CLASRP: variants seen among roughly 807,000 people sequenced by gnomAD.
CLASRP encodes the protein CLK4 associating serine/arginine rich protein, also known as CLK4-associating serine/arginine rich protein.
CLASRP carries 52 observed loss-of-function variants against 99.9 expected under a neutral mutation model. The ratio of observed to expected loss-of-function variants is 0.52; its 90% CI spans 0.42 to 0.66. The LOEUF (loss-of-function observed/expected upper bound fraction) is 0.66, where lower values mean the gene tolerates loss of function less well. CLASRP is among the 30% of genes least tolerant of loss of function. The pLI is 0.00. For synonymous variants in CLASRP, 379 were observed against 373.0 expected (o/e 1.02, Z -0.18); for missense variants, 848 against 999.2 (o/e 0.85, Z 2.04).
At chr19:45,069,314 G>A (rs1028108600) in intron 18 of CLASRP, 66 bp downstream of exon 18, 2 of 1,538,280 alleles carry the variant, frequency 1.3e-6, no homozygotes, top group Non-Finnish European at 9.0e-7. Flanking sequence ...CCCACCATGG[G>A]CTGCTGGCTC....
rs192704583 is a variant in CLASRP, at chr19:45,045,386, G to C, written c.99+5075G>C. 3.7e-3 allele frequency among the ~76,000 whole-genome samples: 567 copies of C among 152,216 alleles called. 2 individuals are homozygous for C. Among genetic ancestry groups the C allele is most frequent in the African/African-American group, 0.013 (538 of 41,526 alleles). On this transcript the variant is annotated intron_variant, in intron 2 of 20. Transcript: ENST00000221455. ...ACAAAAATTAGCCGGGCATGATGGC[G>C]TGCATCTGTGGTCCCAGCTCCTCAA...
rs1339351783 is a variant in CLASRP at position 45,052,867 on chromosome 19, T to C, written c.274T>C (p.Tyr92His). The C allele has an allele frequency of 3.1e-6, 5 of 1,611,732 alleles. No individual in the cohort carries two copies. Among genetic ancestry groups the C allele is most frequent in the Non-Finnish European group, 4.2e-6 (5 of 1,179,098 alleles). ...TGCCCACCTGGACCACATCCCCGAC[T>C]ACACCCCCCCTCTGCTCACCACCAT... ...VRAHLDHIPD[Y>H]TPPLLTTISP... The change falls in exon 4 of 21, where the codon TAC (tyrosine) becomes CAC (histidine). Residue 92 changes from tyrosine to histidine, a missense_variant. By Grantham distance (83) the Tyr-to-His change is moderately conservative (BLOSUM62 2). This residue lies in a region of CLASRP where 54 missense variants were observed against 38.7 expected (regional missense o/e 1.39). Transcript: ENST00000221455.
At chr19:45,043,636 T>C (rs539175989) in intron 2 of CLASRP, among the ~76,000 whole-genome samples, 92 of 152,056 alleles carry the variant, frequency 6.1e-4, no homozygotes, top group African/African-American at 2.2e-3. Flanking sequence ...AGATGCAGGA[T>C]TTTTTTTGAA....
In CLASRP at chr19:45,062,169, C is replaced by A; in HGVS notation, c.879C>A (p.Asp293Glu). 2 of 1,553,024 alleles carry A rather than the reference C, an allele frequency of 1.3e-6. No individual in the cohort carries two copies. Among genetic ancestry groups the A allele is most frequent in the Non-Finnish European group, 1.8e-6 (2 of 1,124,408 alleles). Residue 293 changes from aspartate to glutamate, a missense_variant, in exon 11 of 21, where the codon GAC (aspartate) becomes GAA (glutamate). By Grantham distance (45) the Asp-to-Glu change is conservative. Transcript: ENST00000221455. The part of the protein sequence containing the change: ...KISPPSYARR[D>E]SPTYDPYKRS... The stretch of plus-strand genomic sequence containing the variant: ...TTCTCTGTAGCTATGCCCGCCGAGA[C>A]AGCCCCACCTATGACCCCTATAAGC...
chr19:45,048,474 C>T (rs571572269), intron 2 of CLASRP, among the ~76,000 whole-genome samples: 51 of 151,328 alleles, frequency 3.4e-4, no homozygotes, highest in East Asian at 2.0e-4. Flanking sequence ...TGCAGTGAGC[C>T]GAGATCATGC....
At chr19:45,055,787 C>G (rs755903097) in intron 5 of CLASRP, among the ~76,000 whole-genome samples, 3 of 151,970 alleles carry the variant, frequency 2.0e-5, no homozygotes, top group Admixed American at 6.6e-5. Context: ...GAGCCAAGAT[C>G]GCGCCATTGC....
intron 2 of CLASRP, among the ~76,000 whole-genome samples, chr19:45,042,518 T>C (rs572461879): frequency 1.3e-5 from 2 of 151,604 alleles, no homozygotes; most frequent in Non-Finnish European, 2.9e-5. Context: ...AATTTATATA[T>C]ATATATATAT....
intron 5 of CLASRP, among the ~76,000 whole-genome samples, chr19:45,053,919 C>G (rs777619774): frequency 2.6e-5 from 4 of 152,312 alleles, no homozygotes; most frequent in Admixed American, 6.5e-5. Context: ...CTATGCCCAG[C>G]CAGGAACAGA....
At chr19:45,050,909 G>A (rs536592202) in intron 2 of CLASRP, among the ~76,000 whole-genome samples, 187 of 152,026 alleles carry the variant, frequency 1.2e-3, no homozygotes, top group African/African-American at 4.4e-3. Context: ...AGTAGAGACA[G>A]GGTTTCACCA....
chr19:45,059,494 C>A, intron 8 of CLASRP, 130 bp downstream of exon 8: 2 of 751,298 alleles, frequency 2.7e-6, no homozygotes, highest in East Asian at 2.7e-5. Flanking sequence ...CAGGACTTTA[C>A]ACATGCAGGT....
chr19:45,057,646 C>T, intron 6 of CLASRP, 104 bp from the exon 7 acceptor site: 2 of 1,343,424 alleles, frequency 1.5e-6, no homozygotes, highest in East Asian at 2.3e-5. Context: ...TGAGGGAGAG[C>T]CTGAGGGGAG....
intron 13 of CLASRP, among the ~76,000 whole-genome samples, chr19:45,065,981 G>A (rs1306564616): frequency 6.6e-6 from 1 of 152,184 alleles, no homozygotes; most frequent in African/African-American, 2.4e-5. Flanking sequence ...GAGGGGCCAG[G>A]TAGAGATCCT....
At chr19:45,056,317 T>G (rs1335642471) in intron 5 of CLASRP, 133 bp from the exon 6 acceptor site, 3 of 720,286 alleles carry the variant, frequency 4.2e-6, no homozygotes, top group Non-Finnish European at 7.4e-6. Context: ...TTTGATTATC[T>G]GGAAGTGGTG....
chr19:45,054,501 G>A (rs138073346), intron 5 of CLASRP, among the ~76,000 whole-genome samples: 15 of 152,190 alleles, frequency 9.9e-5, no homozygotes, highest in African/African-American at 3.6e-4. Context: ...CACCCGCCTC[G>A]GCCTCCCAAA....
intron 2 of CLASRP, among the ~76,000 whole-genome samples, chr19:45,045,079 C>T (rs139569483): frequency 6.7e-4 from 102 of 152,274 alleles, no homozygotes; most frequent in African/African-American, 2.4e-3. Context: ...GGACCTAAGC[C>T]GCTTCTGTTT....
At position 45,068,419 on chromosome 19, in the gene CLASRP, G is replaced by C; in HGVS notation, c.1708-1G>C. On this transcript the variant is annotated splice_acceptor_variant, in intron 15 of 20. Transcript: ENST00000221455. LOFTEE classifies it high-confidence loss of function. ...TCCCGCCTCTTCTCCCCCCTCCCCA[G>C]CCCAAGCTGACGCCTCAGGAGAAGC... The C allele has an allele frequency of 6.8e-7, 1 of 1,465,962 alleles. No homozygotes were observed. Among genetic ancestry groups the C allele is most frequent in the Non-Finnish European group, 9.2e-7 (1 of 1,085,446 alleles). 90.8% of individuals were successfully genotyped at this position (1,465,962 alleles called of 1,614,324 possible). A position where few individuals can be genotyped will look rare whatever the true frequency, so the allele number is the denominator to read the frequency against.
At chr19:45,050,506 G>A (rs1235005301) in intron 2 of CLASRP, among the ~76,000 whole-genome samples, 2 of 152,022 alleles carry the variant, frequency 1.3e-5, no homozygotes, top group African/African-American at 2.4e-5. Flanking sequence ...CCAACATGGA[G>A]AAACCCCATC....
intron 7 of CLASRP, 78 bp downstream of exon 7, chr19:45,057,976 GCA>G (rs1972153357): frequency 6.4e-7 from 1 of 1,570,488 alleles, no homozygotes; most frequent in South Asian, 1.1e-5. Context: ...CCTCTGTGGG[GCA>G]CCCCGTGCTT....
At position 45,069,214 on chromosome 19, in the gene CLASRP, G is replaced by T. The variant is rs906880703; in HGVS notation, c.1840G>T (p.Glu614Ter). The change falls in exon 18 of 21, where the codon GAG becomes TAG. Residue 614 changes from glutamate (E) to a stop codon, truncating the protein, a stop_gained. Coordinates refer to ENST00000221455, the MANE Select transcript of CLASRP (RefSeq NM_007056.3). LOFTEE classifies it high-confidence loss of function. ...CTGTCTGCTGCAGGAGCGGGAAGACGAGCTTCGAGCCATGGCCCGCAAGAT... is the reference window on the plus strand; with the variant it reads ...CTGTCTGCTGCAGGAGCGGGAAGACTAGCTTCGAGCCATGGCCCGCAAGAT... ...QEHERQERED[E>*]LRAMARKIRM... is the part of the protein sequence containing the mutation. The T allele has an allele frequency of 6.2e-7, 1 of 1,613,938 alleles. No individual in the cohort carries two copies. The highest frequency in any genetic ancestry group is 8.5e-7 in the Non-Finnish European group (1 of 1,180,006).
Sources: gnomAD v4.1 joint callset for allele counts (sites outside exome capture counted in the v4.1 genomes callset) on GRCh38, gnomAD v4.1.1 for gene constraint, gnomAD v4.1.1 regional missense constraint, MANE v1.5 for transcripts, NCBI Gene and HGNC (gene_info 2026-07-23, HGNC 2026-07-21) for gene names.